Variants in ADAMTSL2 observed in about 807,000 individuals in gnomAD.
ADAMTSL2 encodes the protein ADAMTS like 2.
Under a neutral mutation model 117.0 loss-of-function variants are expected in ADAMTSL2, and 55 were observed. The ratio of observed to expected loss-of-function variants is 0.47; its 90% CI spans 0.38 to 0.59. The LOEUF is 0.59. Among genes scored for constraint, ADAMTSL2 ranks in the 20% least tolerant of loss-of-function variants. The pLI is 0.00. For missense variants in ADAMTSL2, 1,182 were observed against 1,354.5 expected (o/e 0.87, Z 2.00); for synonymous variants, 572 against 566.4 (o/e 1.01, Z -0.14).
rs771838070 is a variant in ADAMTSL2, at chr9:133,574,006, G to A, written c.2737+19G>A. On this transcript the variant is annotated intron_variant, in intron 18 of 18. Transcript: ENST00000651351. ...CCCCCAGGTGAGGCGCGGGGAGGCC[G>A]AGGGTGGCTCTGGGAATTCCCAGGG... is the stretch of plus-strand genomic sequence containing the variant. 49 of 1,605,476 alleles carry A rather than the reference G, an allele frequency of 3.1e-5. No homozygotes were observed. The highest frequency in any genetic ancestry group is 3.7e-5 in the Non-Finnish European group (44 of 1,176,538).
intron 9 of ADAMTSL2, among the ~76,000 whole-genome samples, chr9:133,552,059 AC>A (rs927753833): frequency 3.3e-5 from 5 of 151,730 alleles, no homozygotes; most frequent in African/African-American, 1.2e-4. Context: ...CAAACTACTG[AC>A]CTCATGATTT....
chr9:133,573,755 A>G, intron 17 of ADAMTSL2, 88 bp from the exon 18 acceptor site: 2 of 1,545,998 alleles, frequency 1.3e-6, no homozygotes, highest in Non-Finnish European at 1.8e-6. Context: ...GGGGTGGGGA[A>G]GGGGGAGTGT....
intron 7 of ADAMTSL2, among the ~76,000 whole-genome samples, chr9:133,542,466 T>C (rs1280243012): frequency 3.3e-5 from 5 of 152,184 alleles, no homozygotes; most frequent in African/African-American, 4.8e-5. Flanking sequence ...ACGTAGTGTG[T>C]GCCAGGCACT....
upstream of ADAMTSL2, chr9:133,534,686 C>CGCCGG (rs1431477698): frequency 7.4e-7 from 1 of 1,351,556 alleles, no homozygotes; most frequent in East Asian, 3.1e-5. Context: ...TAAAGGCGGC[C>CGCCGG]GCCGGCGCAG....
chr9:133,562,544 C>T (rs1281322487), intron 12 of ADAMTSL2, among the ~76,000 whole-genome samples: 6 of 101,098 alleles, frequency 5.9e-5, no homozygotes, highest in African/African-American at 1.6e-4. Flanking sequence ...GGGCCCGGCT[C>T]GCACCGCCGT....
chr9:133,568,788 G>C, intron 15 of ADAMTSL2, 30 bp downstream of exon 15: 1 of 1,612,620 alleles, frequency 6.2e-7, no homozygotes, highest in African/African-American at 1.3e-5. Flanking sequence ...GTGGCTGGGC[G>C]TGCGGCTGGT....
Position 133,554,416 on chromosome 9 carries a change from G to A in ADAMTSL2, c.999G>A (p.Pro333=), listed in dbSNP as rs766276641. 212 of 1,565,914 alleles carry A rather than the reference G, an allele frequency of 1.4e-4. 1 individual carries two copies. Among genetic ancestry groups the A allele is most frequent in the South Asian group, 2.1e-4 (18 of 85,680 alleles). The change falls in exon 10 of 19, where the codon CCG becomes CCA. Residue 333 remains proline (P), a synonymous_variant. Coordinates refer to ENST00000651351, the MANE Select transcript of ADAMTSL2 (RefSeq NM_014694.4). This position sits in a 1 kb window ranked among gnomAD's most constrained non-coding sequence, Gnocchi z 5.2. ...SITFEYTLLQ[P]PHESRPQPIY... ...CCTTCGAGTACACGCTGCTGCAGCCGCCACACGAGAGCCGCCCCCAGCCCA... is the reference window on the plus strand; with the variant it reads ...CCTTCGAGTACACGCTGCTGCAGCCACCACACGAGAGCCGCCCCCAGCCCA...
upstream of ADAMTSL2, among the ~76,000 whole-genome samples, chr9:133,533,997 T>TC (rs1340661750): frequency 1.3e-5 from 2 of 152,152 alleles, no homozygotes; most frequent in Non-Finnish European, 2.9e-5. Flanking sequence ...CTCGCTCCCC[T>TC]CTGTGCCCTG....
intron 10 of ADAMTSL2, 51 bp from the exon 11 acceptor site, chr9:133,555,507 G>T (rs1354734282): frequency 1.9e-6 from 3 of 1,611,672 alleles, no homozygotes; most frequent in Non-Finnish European, 2.5e-6. Flanking sequence ...GGCAGCCCTT[G>T]CCCCCAGGGC....
chr9:133,535,848 A>G (rs1830038234), intron 1 of ADAMTSL2, among the ~76,000 whole-genome samples: 1 of 151,754 alleles, frequency 6.6e-6, no homozygotes, highest in Non-Finnish European at 1.5e-5. Flanking sequence ...GTCGACGCTG[A>G]GGAGGGGGTG....
At chr9:133,546,461 C>G (rs961840284) in intron 8 of ADAMTSL2, among the ~76,000 whole-genome samples, 1 of 152,106 alleles carries the variant, frequency 6.6e-6, no homozygotes, top group African/African-American at 2.4e-5. Flanking sequence ...GGCCTGGGTG[C>G]ACGGGTTGAC....
intron 13 of ADAMTSL2, among the ~76,000 whole-genome samples, chr9:133,567,820 T>C (rs1012275663): frequency 2.0e-5 from 3 of 152,324 alleles, no homozygotes; most frequent in East Asian, 3.9e-4. Flanking sequence ...TCCAAGTCTA[T>C]CTGCCTGGAA....
In ADAMTSL2 at chr9:133,536,819, G is replaced by A; in HGVS notation, c.90+17G>A. 6.2e-7 allele frequency: 1 copy of A among 1,614,052 alleles called. No homozygotes were observed. The highest frequency in any genetic ancestry group is 8.5e-7 in the Non-Finnish European group (1 of 1,180,034). On this transcript the variant is annotated intron_variant, in intron 2 of 18. Transcript: ENST00000651351. ...GGGTCCACGGTGAGTGGGGTGTTGT[G>A]GTCTGAGGGCCCATGCCAGTCCCCT...
chr9:133,545,606 C>T (rs1442843523), intron 8 of ADAMTSL2, among the ~76,000 whole-genome samples: 2 of 152,192 alleles, frequency 1.3e-5, no homozygotes, highest in South Asian at 2.1e-4. Flanking sequence ...AGCGGGGAGC[C>T]GGGCCTCTCG....
At chr9:133,561,682 G>A (rs1454963734) in intron 12 of ADAMTSL2, among the ~76,000 whole-genome samples, 2 of 152,226 alleles carry the variant, frequency 1.3e-5, no homozygotes, top group Non-Finnish European at 2.9e-5. Flanking sequence ...GGAGTCATAG[G>A]CCCCTGTGAT....
At chr9:133,560,447 C>T (rs1367199050) in intron 11 of ADAMTSL2, among the ~76,000 whole-genome samples, 8 of 152,236 alleles carry the variant, frequency 5.3e-5, no homozygotes, top group Non-Finnish European at 8.8e-5. Context: ...CCTCCCCTGC[C>T]GAGTCCAGAA....
intron 16 of ADAMTSL2, 93 bp downstream of exon 16, chr9:133,569,671 G>A: frequency 7.9e-7 from 1 of 1,261,294 alleles, no homozygotes; most frequent in Non-Finnish European, 1.1e-6. Flanking sequence ...ACAGATGGGT[G>A]AAAAAGAGGA....
chr9:133,559,996 A>G (rs1830690139), intron 11 of ADAMTSL2, among the ~76,000 whole-genome samples: 3 of 152,226 alleles, frequency 2.0e-5, no homozygotes, highest in Admixed American at 6.5e-5. Flanking sequence ...GGATCCTCCC[A>G]TTCCAGTCCA....
intron 9 of ADAMTSL2, among the ~76,000 whole-genome samples, chr9:133,549,180 A>T (rs1466666398): frequency 5.8e-5 from 2 of 34,422 alleles, no homozygotes; most frequent in Non-Finnish European, 1.1e-4. Context: ...TTTTTTTTGT[A>T]TTTTTAGTAG....
Sources: allele counts gnomAD v4.1 joint callset (sites outside exome capture counted in the v4.1 genomes callset), GRCh38; gene constraint gnomAD v4.1.1; non-coding constraint Gnocchi (gnomAD v3.1); transcripts MANE v1.5; gene names NCBI Gene and HGNC (gene_info 2026-07-23, HGNC 2026-07-21).